ZNRF3: variants seen among roughly 807,000 people sequenced by gnomAD.
ZNRF3 encodes zinc and ring finger 3.
Under a neutral mutation model 72.5 loss-of-function variants are expected in ZNRF3, and 23 were observed. The observed-to-expected ratio is 0.32, with a 90% CI of 0.23 to 0.45. ZNRF3 has a LOEUF of 0.45. ZNRF3 is among the 20% of genes least tolerant of loss of function. The pLI, the probability that ZNRF3 is intolerant of heterozygous loss-of-function variation, is 1.00. For synonymous variants in ZNRF3, 610 were observed against 545.3 expected (o/e 1.12, Z -1.65); for missense variants, 1,169 against 1,272.1 (o/e 0.92, Z 1.23).
intron 1 of ZNRF3, among the ~76,000 whole-genome samples, chr22:28,970,916 G>A (rs1357337911): frequency 6.6e-6 from 1 of 152,226 alleles, no homozygotes; most frequent in Non-Finnish European, 1.5e-5. Context: ...TGATGAAAAT[G>A]CTCTGTATCT....
chr22:29,029,264 G>C (rs1035426078), intron 2 of ZNRF3, among the ~76,000 whole-genome samples: 1 of 152,204 alleles, frequency 6.6e-6, no homozygotes, highest in Non-Finnish European at 1.5e-5. Context: ...TTATTTACTA[G>C]TTTGTTAGCC....
intron 1 of ZNRF3, among the ~76,000 whole-genome samples, chr22:28,955,633 G>A (rs2035245003): frequency 6.6e-6 from 1 of 152,034 alleles, no homozygotes. Flanking sequence ...TTGGATTATG[G>A]GAAGGACTTT....
intron 2 of ZNRF3, among the ~76,000 whole-genome samples, chr22:29,012,726 T>C (rs1260864778): frequency 6.6e-6 from 1 of 152,240 alleles, no homozygotes; most frequent in Non-Finnish European, 1.5e-5. Flanking sequence ...TTTCAACTTC[T>C]GAAGGGGAAT....
rs377270346 is a variant in ZNRF3 at position 28,962,491 on chromosome 22, A to C, written c.301-24585A>C. Among the ~76,000 whole-genome samples, 99 of 152,352 alleles carry C rather than the reference A, an allele frequency of 6.5e-4. 3 individuals are homozygous for C. The South Asian group carries it at 0.012, about 18-fold the overall frequency. ...AAGCAGTCACTTGTTTTTCACAGAG[A>C]GAGAACCCCTGATTCTAGCTATTAT... On this transcript the variant is annotated intron_variant, in intron 1 of 8. Transcript: ENST00000544604.
At chr22:28,896,754 G>A (rs933717101) in intron 1 of ZNRF3, among the ~76,000 whole-genome samples, 2 of 152,212 alleles carry the variant, frequency 1.3e-5, no homozygotes, top group Non-Finnish European at 2.9e-5. Flanking sequence ...AATGTTGCAA[G>A]CTTGACTTGC....
In ZNRF3 at chr22:29,055,566, G is replaced by A. The variant is rs1268822907; in HGVS notation, c.*1944G>A. 1.3e-5 allele frequency: 2 copies of A among 152,218 alleles called. No homozygotes were observed. Among genetic ancestry groups the A allele is most frequent in the African/African-American group, 2.4e-5 (1 of 41,456 alleles). 9.4% of individuals were successfully genotyped at this position (152,218 alleles called of 1,614,324 possible). A position where few individuals can be genotyped will look rare whatever the true frequency, so the allele number is the denominator to read the frequency against. ...GGTGAGATCCGTTCTCCGTCCTCGG[G>A]TGCAGTCCCTTGGGGGCTGCTCCTC... is the stretch of plus-strand genomic sequence containing the variant. On this transcript the variant is annotated 3_prime_UTR_variant, in exon 9 of 9. Coordinates refer to ENST00000544604, the MANE Select transcript of ZNRF3 (RefSeq NM_001206998.2).
intron 1 of ZNRF3, among the ~76,000 whole-genome samples, chr22:28,952,045 G>T (rs569174869): frequency 6.6e-6 from 1 of 152,340 alleles, no homozygotes; most frequent in African/African-American, 2.4e-5. Flanking sequence ...TTTTCTCCGA[G>T]TGCATTCTCC....
At chr22:28,966,865 A>ATTTTTTTTTTTTTTTTT (rs2035473085) in intron 1 of ZNRF3, among the ~76,000 whole-genome samples, 1 of 134,996 alleles carries the variant, frequency 7.4e-6, no homozygotes, top group African/African-American at 3.2e-5. Flanking sequence ...AGTTTTAAAA[A>ATTTTTTTTTTTTTTTTT]TCTTTTTTTT....
At position 29,046,877 on chromosome 22, in the gene ZNRF3, T is replaced by G; in HGVS notation, c.906T>G (p.Asp302Glu). The part of the protein sequence containing the change: ...DCAICLEKYI[D>E]GEELRVIPCT... ...CCATCTGTCTGGAGAAGTACATTGA[T>G]GGAGAGGTAATGGCAGAAGCAGGCC... The change falls in exon 6 of 9, where the codon GAT becomes GAG. Residue 302 changes from aspartate to glutamate, a missense_variant. Transcript: ENST00000544604. 1 of 1,577,150 alleles carries G rather than the reference T, an allele frequency of 6.3e-7. No individual in the cohort carries two copies. The highest frequency in any genetic ancestry group is 8.6e-7 in the Non-Finnish European group (1 of 1,158,824).
At chr22:28,935,402 G>A (rs1245149509) in intron 1 of ZNRF3, among the ~76,000 whole-genome samples, 1 of 152,210 alleles carries the variant, frequency 6.6e-6, no homozygotes, top group Non-Finnish European at 1.5e-5. Context: ...CAGGTTTCCA[G>A]TCATTCCTCT....
At chr22:29,020,864 T>C (rs2036526719) in intron 2 of ZNRF3, among the ~76,000 whole-genome samples, 1 of 151,602 alleles carries the variant, frequency 6.6e-6, no homozygotes. Context: ...TGGGGCGATC[T>C]TGGCTCACTG....
intron 2 of ZNRF3, among the ~76,000 whole-genome samples, chr22:29,002,747 C>T (rs1377332183): frequency 2.0e-5 from 3 of 152,120 alleles, no homozygotes; most frequent in Non-Finnish European, 2.9e-5. Flanking sequence ...AGTGCAGGGA[C>T]CTTCTGTTGA....
intron 2 of ZNRF3, among the ~76,000 whole-genome samples, chr22:29,002,607 T>C (rs191166348): frequency 2.6e-5 from 4 of 152,370 alleles, no homozygotes; most frequent in Non-Finnish European, 4.4e-5. Context: ...GGTTTGCTGA[T>C]GCGCACCAGA....
intron 1 of ZNRF3, among the ~76,000 whole-genome samples, chr22:28,919,476 A>G (rs2034470363): frequency 6.6e-6 from 1 of 152,064 alleles, no homozygotes; most frequent in Non-Finnish European, 1.5e-5. Flanking sequence ...TGACTTATCC[A>G]AGGTCCTCTT....
intron 1 of ZNRF3, among the ~76,000 whole-genome samples, chr22:28,887,235 A>AGT (rs1179478685): frequency 0.036 from 3,308 of 93,110 alleles, 45 homozygotes; most frequent in Non-Finnish European, 0.048. Context: ...AGAGAGAGAG[A>AGT]GTGTGTGTGT....
intron 1 of ZNRF3, among the ~76,000 whole-genome samples, chr22:28,939,000 A>G (rs2034891973): frequency 6.6e-6 from 1 of 152,168 alleles, no homozygotes; most frequent in Admixed American, 6.5e-5. Flanking sequence ...ATATCTCAAA[A>G]TAGGCCAGGC....
intron 1 of ZNRF3, among the ~76,000 whole-genome samples, chr22:28,889,898 T>C (rs186688730): frequency 6.6e-6 from 1 of 152,276 alleles, no homozygotes; most frequent in Admixed American, 6.5e-5. Context: ...CACCTTCCCT[T>C]GTGGACCTGG....
chr22:28,893,308 G>A (rs1005798482), intron 1 of ZNRF3, among the ~76,000 whole-genome samples: 1 of 152,008 alleles, frequency 6.6e-6, no homozygotes, highest in African/African-American at 2.4e-5. Flanking sequence ...TATCTTGTCA[G>A]CAAACATTTA....
At chr22:28,919,544 T>TC in intron 1 of ZNRF3, among the ~76,000 whole-genome samples, 1 of 151,056 alleles carries the variant, frequency 6.6e-6, no homozygotes, top group East Asian at 1.9e-4. Flanking sequence ...CTCTTTACTT[T>TC]TTTTTTTTTT....
Sources: gnomAD v4.1 joint callset for allele counts (sites outside exome capture counted in the v4.1 genomes callset) on GRCh38, gnomAD v4.1.1 for gene constraint, MANE v1.5 for transcripts, NCBI Gene and HGNC (gene_info 2026-07-23, HGNC 2026-07-21) for gene names.